SLC9A9: variants seen among roughly 807,000 people sequenced by gnomAD.
SLC9A9 encodes sodium/hydrogen exchanger 9.
Under a neutral mutation model 77.8 loss-of-function variants are expected in SLC9A9, and 62 were observed. The ratio of observed to expected loss-of-function variants is 0.80; its 90% CI spans 0.65 to 0.98. SLC9A9 has a LOEUF of 0.98. Ranked by LOEUF, SLC9A9 falls within the 50% of genes least tolerant of loss-of-function variation. The probability of loss-of-function intolerance (pLI) is 0.00; values close to 1 mark genes in which losing one functional copy is unlikely to be tolerated. For synonymous variants in SLC9A9, 320 were observed against 283.5 expected (o/e 1.13, Z -1.29); for missense variants, 775 against 774.9 (o/e 1.00, Z 0.00).
At chr3:143,367,049 G>A (rs373178897) in intron 13 of SLC9A9, among the ~76,000 whole-genome samples, 17 of 152,140 alleles carry the variant, frequency 1.1e-4, no homozygotes, top group Admixed American at 6.5e-4. Flanking sequence ...GGTTTCAAGC[G>A]TTTCCCAAGG....
intron 13 of SLC9A9, among the ~76,000 whole-genome samples, chr3:143,376,825 C>T (rs1021396117): frequency 2.6e-5 from 4 of 152,100 alleles, no homozygotes; most frequent in Admixed American, 6.5e-5. Flanking sequence ...TCTCAAAATA[C>T]CATTAGTTAC....
intron 14 of SLC9A9, among the ~76,000 whole-genome samples, chr3:143,351,528 G>A (rs1432973727): frequency 6.6e-6 from 1 of 152,198 alleles, no homozygotes; most frequent in Non-Finnish European, 1.5e-5. Flanking sequence ...AGGTCAAGGA[G>A]AGGGATTCTT....
At chr3:143,343,491 G>A (rs770022767) in intron 14 of SLC9A9, 10 of 152,118 alleles carry the variant, frequency 6.6e-5, no homozygotes, top group Admixed American at 2.6e-4. Flanking sequence ...TCAACGGCAT[G>A]GTTTCCTAAT....
intron 8 of SLC9A9, among the ~76,000 whole-genome samples, chr3:143,558,704 G>T (rs2037029723): frequency 1.3e-5 from 2 of 152,136 alleles, no homozygotes; most frequent in Admixed American, 1.3e-4. Context: ...ACTTGCTTTT[G>T]ATTTTACAGG....
chr3:143,640,019 CTTTTTTTTTTT>C (rs10575577), intron 6 of SLC9A9, among the ~76,000 whole-genome samples: 1 of 124,146 alleles, frequency 8.1e-6, no homozygotes, highest in African/African-American at 3.1e-5. Flanking sequence ...CTTTTTTTTT[CTTTTTTTTTTT>C]TTTTTTTTTG....
At chr3:143,561,236 G>A (rs746589648) in intron 8 of SLC9A9, among the ~76,000 whole-genome samples, 1 of 152,054 alleles carries the variant, frequency 6.6e-6, no homozygotes. Flanking sequence ...TGAAATTTTA[G>A]ATTATTTAGA....
chr3:143,656,184 G>A (rs951275103), intron 5 of SLC9A9, among the ~76,000 whole-genome samples: 1 of 152,168 alleles, frequency 6.6e-6, no homozygotes, highest in African/African-American at 2.4e-5. Context: ...GGTAATGCAA[G>A]TTTCATGAAA....
chr3:143,536,158 G>A (rs977444510), intron 9 of SLC9A9, among the ~76,000 whole-genome samples: 5 of 152,332 alleles, frequency 3.3e-5, no homozygotes, highest in South Asian at 4.1e-4. Context: ...ATTACTATAT[G>A]AAACTGAAAC....
chr3:143,280,374 T>C (rs1938180203), intron 14 of SLC9A9, among the ~76,000 whole-genome samples: 1 of 148,718 alleles, frequency 6.7e-6, no homozygotes, highest in Non-Finnish European at 1.5e-5. Context: ...GAATGAAGAC[T>C]GTTCAGGAGA....
At chr3:143,535,744 A>G (rs1181376815) in intron 9 of SLC9A9, among the ~76,000 whole-genome samples, 1 of 152,190 alleles carries the variant, frequency 6.6e-6, no homozygotes, top group African/African-American at 2.4e-5. Flanking sequence ...ATTTTCACAT[A>G]GATTATAACT....
rs1047955626 is a variant in SLC9A9 at position 143,616,692 on chromosome 3, C to A, written c.755+35563G>T. On this transcript the variant is annotated intron_variant, in intron 6 of 15. Coordinates refer to ENST00000316549, the MANE Select transcript of SLC9A9 (RefSeq NM_173653.4). ...GCCAAGTGCTGGTCATTGGCAGAGC[C>A]CAGCACAGACCTCACTTTCCCTAAA... Among the ~76,000 whole-genome samples, 8 of 152,114 alleles carry A rather than the reference C, an allele frequency of 5.3e-5. No homozygotes were observed. The East Asian group carries it at 1.5e-3, about 29-fold the overall frequency.
chr3:143,310,549 G>A (rs991497167), intron 14 of SLC9A9, among the ~76,000 whole-genome samples: 8 of 146,736 alleles, frequency 5.5e-5, no homozygotes, highest in African/African-American at 1.8e-4. Context: ...AAAAAAGCCC[G>A]AATTTAGAAT....
intron 14 of SLC9A9, among the ~76,000 whole-genome samples, chr3:143,283,022 A>G (rs1039143994): frequency 3.3e-5 from 5 of 152,190 alleles, no homozygotes; most frequent in Non-Finnish European, 7.4e-5. Flanking sequence ...TTGACTATAT[A>G]TCTCCTCTCT....
intron 14 of SLC9A9, among the ~76,000 whole-genome samples, chr3:143,345,026 GC>G (rs1437109672): frequency 1.3e-5 from 2 of 152,254 alleles, no homozygotes; most frequent in African/African-American, 2.4e-5. Flanking sequence ...AAAATCTTGA[GC>G]TTTTTGCTTG....
At chr3:143,785,320 C>T (rs935046653) in intron 4 of SLC9A9, among the ~76,000 whole-genome samples, 1 of 152,330 alleles carries the variant, frequency 6.6e-6, no homozygotes, top group East Asian at 1.9e-4. Context: ...TCTTGGAATG[C>T]TGACCTGTGA....
intron 4 of SLC9A9, among the ~76,000 whole-genome samples, chr3:143,779,114 A>G (rs1229092011): frequency 1.3e-5 from 2 of 152,218 alleles, no homozygotes; most frequent in Non-Finnish European, 2.9e-5. Flanking sequence ...GGCAATTGAA[A>G]TAATCTATGT....
chr3:143,312,589 T>G (rs2031057098), intron 14 of SLC9A9, among the ~76,000 whole-genome samples: 1 of 152,138 alleles, frequency 6.6e-6, no homozygotes, highest in Non-Finnish European at 1.5e-5. Context: ...AGCTGAAAAC[T>G]TACCCTGCTT....
At chr3:143,345,333 T>C (rs1403449400) in intron 14 of SLC9A9, among the ~76,000 whole-genome samples, 1 of 151,502 alleles carries the variant, frequency 6.6e-6, no homozygotes, top group African/African-American at 2.4e-5. Flanking sequence ...AACCTGAAAA[T>C]GGCCAGAAAA....
At chr3:143,434,761 A>G (rs1430861803) in intron 12 of SLC9A9, among the ~76,000 whole-genome samples, 2 of 152,054 alleles carry the variant, frequency 1.3e-5, no homozygotes, top group African/African-American at 4.8e-5. Context: ...AGTTTGATTC[A>G]GGTATAGCTC....
Sources: allele counts gnomAD v4.1 joint callset (sites outside exome capture counted in the v4.1 genomes callset), GRCh38; gene constraint gnomAD v4.1.1; transcripts MANE v1.5; gene names NCBI Gene and HGNC (gene_info 2026-07-23, HGNC 2026-07-21).